IGBP1C: variants seen among roughly 807,000 people sequenced by gnomAD.
The protein encoded by IGBP1C is IGBP1 family member C, also known as immunoglobulin-binding protein 1 family member C.
the IGBP1C span, among the ~76,000 whole-genome samples, chr17:58,680,090 T>C: frequency 2.6e-4 from 38 of 147,242 alleles, 1 homozygote; most frequent in Admixed American, 4.8e-4. Context: ...TCTTTTTTTT[T>C]CCCCCCAGAG....
the IGBP1C span, among the ~76,000 whole-genome samples, chr17:58,670,781 A>C: frequency 5.3e-5 from 8 of 150,278 alleles, no homozygotes; most frequent in South Asian, 2.1e-4. Context: ...TTAAAAAAAA[A>C]AAAAAAAAAA....
the IGBP1C span, among the ~76,000 whole-genome samples, chr17:58,690,902 T>C: frequency 6.6e-6 from 1 of 152,210 alleles, no homozygotes; most frequent in African/African-American, 2.4e-5. Context: ...GGTTTCACTC[T>C]ATCACCCAAG....
chr17:58,687,060 G>T, the IGBP1C span, among the ~76,000 whole-genome samples: 22 of 151,846 alleles, frequency 1.4e-4, no homozygotes, highest in South Asian at 4.6e-3. Context: ...CCCATGGGAT[G>T]TGACCAACTC....
chr17:58,676,564 CAAAAG>C, the IGBP1C span, among the ~76,000 whole-genome samples: 21 of 151,866 alleles, frequency 1.4e-4, no homozygotes, highest in Non-Finnish European at 1.3e-4. Context: ...CCATCTCAAA[CAAAAG>C]AAAACAAAAC....
At chr17:58,683,829 G>A in the IGBP1C span, among the ~76,000 whole-genome samples, 1 of 151,542 alleles carries the variant, frequency 6.6e-6, no homozygotes. Flanking sequence ...CACTTTGGGA[G>A]GCTGAGGCGG....
the IGBP1C span, chr17:58,679,520 C>G: frequency 6.6e-6 from 1 of 152,138 alleles, no homozygotes; most frequent in Non-Finnish European, 1.5e-5. Context: ...TATAAACAAG[C>G]CAGATCAGGG....
the IGBP1C span, among the ~76,000 whole-genome samples, chr17:58,670,941 AAAC>A: frequency 6.6e-6 from 1 of 152,154 alleles, no homozygotes; most frequent in African/African-American, 2.4e-5. Flanking sequence ...TAATACTTCA[AAAC>A]AACGTGTACA....
chr17:58,665,858 C>G, the IGBP1C span, among the ~76,000 whole-genome samples: 1 of 151,928 alleles, frequency 6.6e-6, no homozygotes, highest in Non-Finnish European at 1.5e-5. Context: ...CCGGCCTGAC[C>G]AACGTAGTGA....
At chr17:58,686,675 T>C in the IGBP1C span, among the ~76,000 whole-genome samples, 1 of 152,066 alleles carries the variant, frequency 6.6e-6, no homozygotes, top group Non-Finnish European at 1.5e-5. Flanking sequence ...CAAATACATA[T>C]TGGGCTTCTA....
chr17:58,662,708 TG>T, the IGBP1C span, among the ~76,000 whole-genome samples: 1 of 152,126 alleles, frequency 6.6e-6, no homozygotes, highest in Non-Finnish European at 1.5e-5. Flanking sequence ...CTTTGCCTCA[TG>T]GGAGTCAAGG....
chr17:58,671,181 A>G, the IGBP1C span, among the ~76,000 whole-genome samples: 2 of 152,176 alleles, frequency 1.3e-5, no homozygotes, highest in Non-Finnish European at 2.9e-5. Flanking sequence ...TCTGCTGCTT[A>G]ACCCATTCAC....
the IGBP1C span, among the ~76,000 whole-genome samples, chr17:58,670,800 A>AAG: frequency 7.1e-6 from 1 of 140,176 alleles, no homozygotes; most frequent in African/African-American, 2.7e-5. Context: ...AAAAAAAAAA[A>AAG]GTGACTATAC....
At chr17:58,662,008 C>T in the IGBP1C span, among the ~76,000 whole-genome samples, 1 of 152,018 alleles carries the variant, frequency 6.6e-6, no homozygotes, top group East Asian at 1.9e-4. Flanking sequence ...CAAGTATCTG[C>T]AGTTCCTGCC....
chr17:58,666,358 A>G, the IGBP1C span, among the ~76,000 whole-genome samples: 3 of 151,950 alleles, frequency 2.0e-5, no homozygotes, highest in South Asian at 6.2e-4. Context: ...AAAAAAATAA[A>G]TAAGGCAAAA....
the IGBP1C span, among the ~76,000 whole-genome samples, chr17:58,690,908 C>G: frequency 6.6e-6 from 1 of 152,132 alleles, no homozygotes; most frequent in African/African-American, 2.4e-5. Flanking sequence ...ACTCTATCAC[C>G]CAAGCTGGAG....
chr17:58,675,307 T>C, the IGBP1C span: 1 of 153,080 alleles, frequency 6.5e-6, no homozygotes, highest in East Asian at 1.9e-4. Context: ...GTGGGCAAAC[T>C]AGTTGATTTT....
At chr17:58,682,603 T>C in the IGBP1C span, among the ~76,000 whole-genome samples, 3 of 151,958 alleles carry the variant, frequency 2.0e-5, no homozygotes, top group South Asian at 6.2e-4. Context: ...AAACAAAATG[T>C]TGATAATTTA....
the IGBP1C span, among the ~76,000 whole-genome samples, chr17:58,683,640 G>A: frequency 5.9e-5 from 9 of 151,564 alleles, no homozygotes; most frequent in East Asian, 1.9e-4. Context: ...GCTCACGCCC[G>A]TAATCCCAGC....
the IGBP1C span, among the ~76,000 whole-genome samples, chr17:58,684,883 T>G: frequency 6.6e-6 from 1 of 151,582 alleles, no homozygotes. Flanking sequence ...GGCTGTGGCA[T>G]AAGAATTGCT....
Sources: gnomAD v4.1 joint callset for allele counts (sites outside exome capture counted in the v4.1 genomes callset) on GRCh38, gnomAD v4.1.1 for gene constraint, MANE v1.5 for transcripts, NCBI Gene and HGNC (gene_info 2026-07-23, HGNC 2026-07-21) for gene names.